The following NFKBIB variants were observed in gnomAD, a reference collection of about 807,000 sequenced individuals.
NFKBIB encodes the protein NF-kappa-B inhibitor beta.
A neutral mutation model predicts 32.1 loss-of-function variants in NFKBIB; 16 were observed. That is an observed-to-expected ratio of 0.50 (90% CI 0.34 to 0.76). The LOEUF (loss-of-function observed/expected upper bound fraction) is 0.76, where lower values mean the gene tolerates loss of function less well. NFKBIB is among the 30% of genes least tolerant of loss of function. NFKBIB has a pLI of 0.01. For synonymous variants in NFKBIB, 222 were observed against 219.5 expected, an observed-to-expected ratio of 1.01 and a Z score of -0.10; for missense variants, 437 against 514.9, an observed-to-expected ratio of 0.85 and a Z score of 1.46.
At chr19:38,907,712 G>A in intron 5 of NFKBIB, 53 bp downstream of exon 5, 3 of 1,513,304 alleles carry the variant, frequency 2.0e-6, no homozygotes, top group South Asian at 2.5e-5. Flanking sequence ...GGATAGACCG[G>A]CAGGCAAGAA....
intron 3 of NFKBIB, among the ~76,000 whole-genome samples, chr19:38,906,466 G>GTTT (rs59286558): frequency 1.9e-4 from 14 of 75,340 alleles, no homozygotes; most frequent in South Asian, 5.6e-4. Flanking sequence ...TTAATTTAAG[G>GTTT]TTTTTTTTTT....
At position 38,907,599 on chromosome 19, in the gene NFKBIB, C is replaced by T. The variant is rs754930221; in HGVS notation, c.909C>T (p.Gly303=). Residue 303 remains glycine (G), a synonymous_variant, in exon 5 of 6, where the codon GGC becomes GGT. Transcript: ENST00000313582. ...CACACGGAGCCCCTGAGCCCGAGGG[C>T]GAGGACGAGAAATCCGGCCCCTGCA... ...LRAHGAPEPE[G]EDEKSGPCSS... 23 of 1,611,708 alleles carry T rather than the reference C, an allele frequency of 1.4e-5. No individual in the cohort carries two copies. The highest frequency in any genetic ancestry group is 2.7e-5 in the African/African-American group (2 of 74,930).
At chr19:38,908,192 G>A in intron 5 of NFKBIB, 1 of 993,846 alleles carries the variant, frequency 1.0e-6, no homozygotes, top group East Asian at 1.1e-4. Flanking sequence ...CAGCTCAGTT[G>A]CCGAAACTCT....
At position 38,900,212 on chromosome 19, in the gene NFKBIB, G is replaced by C; in HGVS notation, c.179+1G>C. 1 of 1,597,918 alleles carries C rather than the reference G, an allele frequency of 6.3e-7. No homozygotes were observed. Among genetic ancestry groups the C allele is most frequent in the Non-Finnish European group, 8.5e-7 (1 of 1,174,608 alleles). On this transcript the variant is annotated splice_donor_variant, in intron 1 of 5. Transcript: ENST00000313582. LOFTEE classifies it high-confidence loss of function. Reference sequence around the variant, plus strand: ...GCTACGTCACTGAGGATGGGGACACGTGAGTGAACCTTAGGCTGCCAAACG... The same window carrying C: ...GCTACGTCACTGAGGATGGGGACACCTGAGTGAACCTTAGGCTGCCAAACG...
In NFKBIB at chr19:38,907,252, C is replaced by G; in HGVS notation, c.651C>G (p.His217Gln). The G allele has an allele frequency of 1.2e-6, 2 of 1,613,432 alleles. No individual in the cohort carries two copies. Among genetic ancestry groups the G allele is most frequent in the Non-Finnish European group, 1.7e-6 (2 of 1,179,562 alleles). ...CCCCACTCCACGTGGCCGTTATCCA[C>G]AAAGATGTGGAGATGGTCCGGCTGC... ...GHTPLHVAVI[H>Q]KDVEMVRLLR... The change falls in exon 4 of 6, where the codon CAC becomes CAG. Residue 217 changes from histidine to glutamine, a missense_variant. Coordinates refer to ENST00000313582, the MANE Select transcript of NFKBIB (RefSeq NM_002503.5).
Position 38,906,131 on chromosome 19 carries a change from C to CTTTTTTTT in NFKBIB, c.619+613_619+620dup, listed in dbSNP as rs11300670. On this transcript the variant is annotated intron_variant, in intron 3 of 5. Coordinates refer to ENST00000313582, the MANE Select transcript of NFKBIB (RefSeq NM_002503.5). ...CACAGGCTTTTCAGCTACTTGGTACCTTTTTTTTTTTTTTTTTTTTTTTTG... is the reference window on the plus strand; with the variant it reads ...CACAGGCTTTTCAGCTACTTGGTACCTTTTTTTTTTTTTTTTTTTTTTTTTTTTTTTTG... Among the ~76,000 whole-genome samples the CTTTTTTTT allele has an allele frequency of 5.1e-4, 50 of 97,370 alleles. 2 individuals carry two copies. Among genetic ancestry groups the CTTTTTTTT allele is most frequent in the African/African-American group, 1.5e-3 (33 of 22,124 alleles). 63.9% of individuals were successfully genotyped at this position (97,370 alleles called of 152,430 possible). A position where few individuals can be genotyped will look rare whatever the true frequency, so the allele number is the denominator to read the frequency against.
At chr19:38,907,868 G>A in intron 5 of NFKBIB, 1 of 1,402,412 alleles carries the variant, frequency 7.1e-7, no homozygotes, top group South Asian at 1.8e-5. Flanking sequence ...AACTAAGGCA[G>A]TGGCAAAGGT....
At position 38,905,552 on chromosome 19, in the gene NFKBIB, G is replaced by A; in HGVS notation, c.619+17G>A. 1 of 1,579,580 alleles carries A rather than the reference G, an allele frequency of 6.3e-7. No homozygotes were observed. On this transcript the variant is annotated intron_variant, in intron 3 of 5. Transcript: ENST00000313582. The surrounding 1 kb of genome is among the most constrained non-coding windows in gnomAD (Gnocchi z 5.5). ...ACTACGAGGGTGAGGGTCGTCACCA[G>A]GGAAGGACTCAGCTCCTGGGCTAGG...
At chr19:38,907,089 T>G (rs1196851122) in intron 3 of NFKBIB, 132 bp from the exon 4 acceptor site, 1 of 796,560 alleles carries the variant, frequency 1.3e-6, no homozygotes, top group Admixed American at 2.4e-5. Context: ...CTCTTTGCCA[T>G]ACCCAAGAAT....
intron 1 of NFKBIB, among the ~76,000 whole-genome samples, chr19:38,901,287 T>C (rs978333214): frequency 6.6e-6 from 1 of 152,162 alleles, no homozygotes; most frequent in African/African-American, 2.4e-5. Context: ...TTCTATTCAA[T>C]TGGTCTCTGT....
intron 5 of NFKBIB, chr19:38,908,053 G>C: frequency 9.3e-7 from 1 of 1,073,514 alleles, no homozygotes; most frequent in Non-Finnish European, 1.1e-6. Context: ...GGCAGGACCC[G>C]AGCCAGCGGT....
intron 1 of NFKBIB, among the ~76,000 whole-genome samples, chr19:38,901,322 G>A (rs1973953612): frequency 6.6e-6 from 1 of 151,248 alleles, no homozygotes; most frequent in South Asian, 2.1e-4. Context: ...TTGAAACGAA[G>A]TCTCACTCTG....
intron 1 of NFKBIB, among the ~76,000 whole-genome samples, chr19:38,902,259 T>C (rs1205950944): frequency 6.6e-6 from 1 of 151,976 alleles, no homozygotes; most frequent in Non-Finnish European, 1.5e-5. Flanking sequence ...TTTTTTTGTA[T>C]TTTTAGTAGA....
chr19:38,908,409 C>G, intron 5 of NFKBIB: 1 of 788,150 alleles, frequency 1.3e-6, no homozygotes, highest in Non-Finnish European at 1.6e-6. Context: ...CGTGGTGGCG[C>G]ATGCCTATAA....
At chr19:38,908,580 C>T in intron 5 of NFKBIB, 151 bp from the exon 6 acceptor site, 8 of 1,287,984 alleles carry the variant, frequency 6.2e-6, no homozygotes, top group Non-Finnish European at 6.9e-6. Context: ...AAATGGAGTT[C>T]TGAGAGCTAG....
At chr19:38,906,131 CTTTTTTTTTTTTTTTT>C (rs11300670) in intron 3 of NFKBIB, among the ~76,000 whole-genome samples, 2 of 97,350 alleles carry the variant, frequency 2.1e-5, no homozygotes, top group Non-Finnish European at 3.9e-5. Flanking sequence ...TACTTGGTAC[CTTTTTTTTTTTTTTTT>C]TTTTTTTTGA....
At chr19:38,907,913 C>T (rs572991857) in intron 5 of NFKBIB, 40 of 1,348,106 alleles carry the variant, frequency 3.0e-5, no homozygotes, top group African/African-American at 2.3e-4. Flanking sequence ...AGGCGTTGGT[C>T]GCAGTGATTG....
chr19:38,899,842 T>G (rs201094742), upstream of NFKBIB: 11 of 713,972 alleles, frequency 1.5e-5, no homozygotes, highest in South Asian at 1.7e-4. Context: ...GCTAGAGAGT[T>G]GTAGTCCTCC....
chr19:38,907,952 C>T, intron 5 of NFKBIB: 1 of 1,243,668 alleles, frequency 8.0e-7, no homozygotes, highest in Non-Finnish European at 1.0e-6. Flanking sequence ...GGTGGTAGCG[C>T]TGGGGGTGAT....
Sources: allele counts gnomAD v4.1 joint callset (sites outside exome capture counted in the v4.1 genomes callset), GRCh38; gene constraint gnomAD v4.1.1; non-coding constraint Gnocchi (gnomAD v3.1); transcripts MANE v1.5; gene names NCBI Gene and HGNC (gene_info 2026-07-23, HGNC 2026-07-21).